Variants in NEGR1 observed in about 807,000 individuals in gnomAD.
The protein encoded by NEGR1 is IgLON family member 4.
A neutral mutation model predicts 40.9 loss-of-function variants in NEGR1; 10 were observed. The observed-to-expected ratio is 0.24, with a 90% CI of 0.15 to 0.42. NEGR1 has a LOEUF of 0.42. NEGR1 is among the 10% of genes least tolerant of loss of function. The pLI is 1.00. For synonymous variants in NEGR1, 185 were observed against 166.8 expected, an observed-to-expected ratio of 1.11 and a Z score of -0.84; for missense variants, 352 against 438.9, an observed-to-expected ratio of 0.80 and a Z score of 1.77.
rs201663800 is a variant in NEGR1, at chr1:72,074,777, CA to C, written c.177-139467del. ...ATGCCTCTATACAGTATTGAATTTG[CA>C]AAACATAAATTATCACTCATATTGT... On this transcript the variant is annotated intron_variant, in intron 1 of 6. Coordinates refer to ENST00000357731, the MANE Select transcript of NEGR1 (RefSeq NM_173808.3). Among the ~76,000 whole-genome samples the C allele has an allele frequency of 5.2e-3, 785 of 152,094 alleles. 8 individuals carry two copies. Among genetic ancestry groups the C allele is most frequent in the African/African-American group, 0.018 (751 of 41,500 alleles).
At chr1:72,231,148 A>C (rs1007621606) in intron 1 of NEGR1, among the ~76,000 whole-genome samples, 1 of 152,176 alleles carries the variant, frequency 6.6e-6, no homozygotes, top group Non-Finnish European at 1.5e-5. Context: ...ATAGATTGTC[A>C]CTGTACTTTT....
intron 1 of NEGR1, among the ~76,000 whole-genome samples, chr1:72,254,843 T>C (rs1655214347): frequency 6.6e-6 from 1 of 151,868 alleles, no homozygotes; most frequent in Non-Finnish European, 1.5e-5. Flanking sequence ...GTTTAAAAAC[T>C]TGTCTCTTTC....
At chr1:71,670,839 C>A (rs1272423542) in intron 4 of NEGR1, among the ~76,000 whole-genome samples, 2 of 152,056 alleles carry the variant, frequency 1.3e-5, no homozygotes, top group African/African-American at 2.4e-5. Context: ...CTGCCCTCAA[C>A]CTCAAATCAG....
At chr1:71,561,830 A>G (rs1307596359) in intron 6 of NEGR1, among the ~76,000 whole-genome samples, 5 of 151,516 alleles carry the variant, frequency 3.3e-5, no homozygotes, top group African/African-American at 1.2e-4. Flanking sequence ...AAAGTGACAC[A>G]GTATTCTTTT....
At chr1:71,610,431 C>A (rs1650215450) in intron 5 of NEGR1, among the ~76,000 whole-genome samples, 1 of 152,102 alleles carries the variant, frequency 6.6e-6, no homozygotes, top group Non-Finnish European at 1.5e-5. Context: ...GTAGCTCTTG[C>A]CAAGGTTTTT....
intron 1 of NEGR1, among the ~76,000 whole-genome samples, chr1:71,971,432 A>T (rs1194094988): frequency 6.6e-6 from 1 of 152,122 alleles, no homozygotes; most frequent in African/African-American, 2.4e-5. Context: ...TCTTTGTAAA[A>T]TTGGTGTACT....
intron 2 of NEGR1, among the ~76,000 whole-genome samples, chr1:71,833,096 C>T (rs927138896): frequency 6.6e-6 from 1 of 151,872 alleles, no homozygotes; most frequent in Admixed American, 6.6e-5. Context: ...CTTCATTCAA[C>T]CAATAAGGAA....
intron 1 of NEGR1, among the ~76,000 whole-genome samples, chr1:72,246,312 C>G (rs1188291837): frequency 1.3e-5 from 2 of 152,108 alleles, no homozygotes; most frequent in African/African-American, 2.4e-5. Flanking sequence ...CTTAAACATC[C>G]TTTTATGATA....
At chr1:71,562,066 A>C (rs1395684727) in intron 6 of NEGR1, among the ~76,000 whole-genome samples, 1 of 151,606 alleles carries the variant, frequency 6.6e-6, no homozygotes, top group Non-Finnish European at 1.5e-5. Flanking sequence ...AAGATCCGCT[A>C]ATAATGACTT....
intron 1 of NEGR1, among the ~76,000 whole-genome samples, chr1:72,134,938 T>C (rs911580208): frequency 6.6e-6 from 1 of 150,976 alleles, no homozygotes. Context: ...GGTTTCTCCA[T>C]GTTGGTCAGG....
chr1:71,991,782 ATTTGTTTGTTTG>A lies in NEGR1; in HGVS notation c.177-56483_177-56472del, dbSNP rs570471295. Among the ~76,000 whole-genome samples the A allele has an allele frequency of 2.6e-5, 4 of 151,904 alleles. No individual in the cohort carries two copies. In the East Asian group the frequency reaches 7.8e-4, roughly 29 times the overall value. The stretch of plus-strand genomic sequence containing the variant: ...CAGTAAATGAATGAATGAGTATAGT[ATTTGTTTGTTTG>A]TTTGTTTGTTTGTTTGAGACAGAGC... On this transcript the variant is annotated intron_variant, in intron 1 of 6. Coordinates refer to ENST00000357731, the MANE Select transcript of NEGR1 (RefSeq NM_173808.3).
chr1:71,855,633 C>A (rs1659735922), intron 2 of NEGR1, among the ~76,000 whole-genome samples: 2 of 151,778 alleles, frequency 1.3e-5, no homozygotes, highest in East Asian at 1.9e-4. Context: ...GGTACAGTAA[C>A]CATAGCTTTG....
chr1:72,039,926 A>G (rs992672943), intron 1 of NEGR1, among the ~76,000 whole-genome samples: 4 of 151,960 alleles, frequency 2.6e-5, no homozygotes, highest in Admixed American at 1.3e-4. Flanking sequence ...GGATGTAGGC[A>G]CTTAACTCAA....
chr1:72,190,498 A>G (rs1440921884), intron 1 of NEGR1, among the ~76,000 whole-genome samples: 1 of 151,640 alleles, frequency 6.6e-6, no homozygotes, highest in African/African-American at 2.4e-5. Flanking sequence ...GAATGGAGAT[A>G]TTTAATTTTA....
At chr1:72,230,774 C>T (rs778024919) in intron 1 of NEGR1, among the ~76,000 whole-genome samples, 11 of 152,122 alleles carry the variant, frequency 7.2e-5, no homozygotes, top group Admixed American at 6.6e-4. Flanking sequence ...TCAACCAAAA[C>T]TTAATAAGCA....
chr1:71,523,846 C>T (rs1451844403), intron 6 of NEGR1, among the ~76,000 whole-genome samples: 1 of 151,888 alleles, frequency 6.6e-6, no homozygotes, highest in Non-Finnish European at 1.5e-5. Flanking sequence ...ATGAAATTTG[C>T]TAATTTTGGA....
chr1:71,629,261 T>TA (rs57706925), intron 4 of NEGR1, among the ~76,000 whole-genome samples: 2,895 of 151,138 alleles, frequency 0.019, 83 homozygotes, highest in African/African-American at 0.066. Context: ...ATGGGGTTGT[T>TA]AAAAAAAAAG....
chr1:71,631,473 T>C (rs911566471), intron 4 of NEGR1, among the ~76,000 whole-genome samples: 2 of 151,802 alleles, frequency 1.3e-5, no homozygotes, highest in African/African-American at 4.8e-5. Context: ...AGAATTCTCT[T>C]CCCATCTGGC....
intron 1 of NEGR1, among the ~76,000 whole-genome samples, chr1:72,034,219 T>G (rs539869177): frequency 1.3e-5 from 2 of 152,226 alleles, no homozygotes; most frequent in African/African-American, 4.8e-5. Flanking sequence ...TTACAATACA[T>G]AGTGGTCCTC....
Sources: gnomAD v4.1 joint callset for allele counts (sites outside exome capture counted in the v4.1 genomes callset) on GRCh38, gnomAD v4.1.1 for gene constraint, MANE v1.5 for transcripts, NCBI Gene and HGNC (gene_info 2026-07-23, HGNC 2026-07-21) for gene names.